Variants in CHRM5 observed in about 807,000 individuals in gnomAD.
The protein encoded by CHRM5 is muscarinic acetylcholine receptor M5.
In CHRM5, 18 loss-of-function variants were observed where a neutral mutation model predicts 39.0. That is an observed-to-expected ratio of 0.46 (90% CI 0.32 to 0.68). CHRM5 has a LOEUF of 0.68. CHRM5 is among the 30% of genes least tolerant of loss of function. The pLI, the probability that CHRM5 is intolerant of heterozygous loss-of-function variation, is 0.04. For missense variants in CHRM5, 515 were observed against 651.1 expected (o/e 0.79, Z 2.28); for synonymous variants, 241 against 246.3 (o/e 0.98, Z 0.20).
intron 1 of CHRM5, among the ~76,000 whole-genome samples, chr15:33,985,064 T>C (rs649515): frequency 0.99 from 151,055 of 152,200 alleles, 74,971 homozygotes; most frequent in Middle Eastern, 1. Context: ...TCTGTACCTG[T>C]CACACTGAAC....
At chr15:33,974,124 AC>A (rs1481178535) in intron 1 of CHRM5, among the ~76,000 whole-genome samples, 1 of 152,222 alleles carries the variant, frequency 6.6e-6, no homozygotes, top group Non-Finnish European at 1.5e-5. Flanking sequence ...TATGGAAATC[AC>A]GTTTGCTATA....
At chr15:34,053,299 CAAA>C (rs71454513) in intron 2 of CHRM5, among the ~76,000 whole-genome samples, 1,335 of 51,256 alleles carry the variant, frequency 0.026, 17 homozygotes, top group East Asian at 0.064. Flanking sequence ...GACTCCATCT[CAAA>C]AAAAAAAAAA....
intron 1 of CHRM5, among the ~76,000 whole-genome samples, chr15:33,996,509 T>C (rs1896943276): frequency 6.6e-6 from 1 of 152,350 alleles, no homozygotes; most frequent in South Asian, 2.1e-4. Context: ...CAACATTTGC[T>C]GTCCTGCAAT....
Position 34,063,227 on chromosome 15 carries a change from G to C in CHRM5, c.510G>C (p.Gln170His). The change falls in exon 3 of 3, where the codon CAG (glutamine) becomes CAC (histidine). Residue 170 changes from glutamine to histidine, a missense_variant. Coordinates refer to ENST00000383263, the MANE Select transcript of CHRM5 (RefSeq NM_012125.4). The surrounding 1 kb of genome is among the most constrained non-coding windows in gnomAD (Gnocchi z 4.1). ...GGGCCCCAGCAATCCTCTGCTGGCA[G>C]TACTTGGTTGGGAAGCGGACAGTTC... Reference protein sequence around the residue: ...ILWAPAILCWQYLVGKRTVPL... With the variant: ...ILWAPAILCWHYLVGKRTVPL... 1 of 1,614,178 alleles carries C rather than the reference G, an allele frequency of 6.2e-7. No individual in the cohort carries two copies. The highest frequency in any genetic ancestry group is 8.5e-7 in the Non-Finnish European group (1 of 1,180,044).
intron 1 of CHRM5, among the ~76,000 whole-genome samples, chr15:34,041,843 C>A (rs2140805968): frequency 6.6e-6 from 1 of 152,318 alleles, no homozygotes; most frequent in Admixed American, 6.5e-5. Flanking sequence ...AGTAACAGAA[C>A]TGGGATTTAT....
intron 1 of CHRM5, among the ~76,000 whole-genome samples, chr15:34,042,180 A>G (rs576972703): frequency 1.6e-4 from 25 of 152,312 alleles, no homozygotes; most frequent in Non-Finnish European, 3.2e-4. Flanking sequence ...TTTGGATTGC[A>G]TAAATAACAA....
chr15:33,970,943 T>C (rs1895611333), intron 1 of CHRM5, among the ~76,000 whole-genome samples: 1 of 152,018 alleles, frequency 6.6e-6, no homozygotes, highest in Non-Finnish European at 1.5e-5. Context: ...TTTCACTTTC[T>C]TTCCTTTCCA....
chr15:33,989,541 A>G (rs1159820236), intron 1 of CHRM5, among the ~76,000 whole-genome samples: 4 of 151,894 alleles, frequency 2.6e-5, no homozygotes, highest in Admixed American at 6.6e-5. Context: ...CCACCTAAAC[A>G]CATATACTAC....
chr15:34,056,097 T>A (rs1011089246), intron 2 of CHRM5, among the ~76,000 whole-genome samples: 5 of 152,198 alleles, frequency 3.3e-5, no homozygotes, highest in Admixed American at 3.3e-4. Context: ...TTCACTACAC[T>A]AACTTCCAAA....
chr15:33,986,439 C>G (rs1896473778), intron 1 of CHRM5, among the ~76,000 whole-genome samples: 1 of 151,982 alleles, frequency 6.6e-6, no homozygotes, highest in Non-Finnish European at 1.5e-5. Context: ...TCTGTATAAA[C>G]ACAAGGCAGA....
At chr15:33,978,589 G>A (rs1895996605) in intron 1 of CHRM5, among the ~76,000 whole-genome samples, 1 of 152,000 alleles carries the variant, frequency 6.6e-6, no homozygotes, top group Non-Finnish European at 1.5e-5. Flanking sequence ...CTTGAACCTG[G>A]GAGGCAGAGG....
intron 1 of CHRM5, among the ~76,000 whole-genome samples, chr15:34,033,194 A>T (rs986589445): frequency 6.6e-4 from 101 of 152,268 alleles, no homozygotes; most frequent in African/African-American, 2.0e-3. Flanking sequence ...ATTCACAATG[A>T]AGTTTTACCT....
intron 1 of CHRM5, among the ~76,000 whole-genome samples, chr15:33,999,332 C>T (rs1897052984): frequency 6.6e-6 from 1 of 152,172 alleles, no homozygotes; most frequent in Non-Finnish European, 1.5e-5. Context: ...CCGCTACTTG[C>T]CCTCTCAACA....
chr15:34,061,062 A>T (rs987638539), intron 2 of CHRM5, among the ~76,000 whole-genome samples: 1 of 151,350 alleles, frequency 6.6e-6, no homozygotes, highest in Non-Finnish European at 1.5e-5. Flanking sequence ...GCCCATTATC[A>T]TGTCAAGGTG....
chr15:33,979,129 A>G (rs1567444894), intron 1 of CHRM5, among the ~76,000 whole-genome samples: 1 of 152,210 alleles, frequency 6.6e-6, no homozygotes, highest in Non-Finnish European at 1.5e-5. Context: ...ATTTGATTAT[A>G]GCTTACTCCA....
At position 34,038,981 on chromosome 15, in the gene CHRM5, T is replaced by C. The variant is rs909447608; in HGVS notation, c.-407-7559T>C. The C allele has an allele frequency of 2.7e-6, 3 of 1,110,476 alleles. No homozygotes were observed. In the African/African-American group the frequency reaches 5.0e-5, roughly 19 times the overall value. 68.8% of individuals were successfully genotyped at this position (1,110,476 alleles called of 1,614,324 possible). A position where few individuals can be genotyped will look rare whatever the true frequency, so the allele number is the denominator to read the frequency against. On this transcript the variant is annotated intron_variant, in intron 1 of 2. Coordinates refer to ENST00000383263, the MANE Select transcript of CHRM5 (RefSeq NM_012125.4). Reference sequence around the variant, plus strand: ...CTCCGGGCCGCTCGCTGTGGCGATCTCCGCCAGGCCGGCCGCGGCCTGGCC... The same window carrying C: ...CTCCGGGCCGCTCGCTGTGGCGATCCCCGCCAGGCCGGCCGCGGCCTGGCC...
chr15:34,019,390 TA>T (rs753351599), intron 1 of CHRM5, among the ~76,000 whole-genome samples: 3 of 152,248 alleles, frequency 2.0e-5, no homozygotes, highest in Non-Finnish European at 4.4e-5. Flanking sequence ...TAAAAATATT[TA>T]AAAGTTTATA....
chr15:34,041,481 A>C (rs537963223), intron 1 of CHRM5, among the ~76,000 whole-genome samples: 1 of 152,198 alleles, frequency 6.6e-6, no homozygotes, highest in Non-Finnish European at 1.5e-5. Context: ...TTAAGGAACT[A>C]TATAACTATC....
intron 1 of CHRM5, among the ~76,000 whole-genome samples, chr15:34,034,412 G>C (rs1460198081): frequency 6.8e-6 from 1 of 147,744 alleles, no homozygotes; most frequent in African/African-American, 2.5e-5. Context: ...CTGCACTCCA[G>C]CGTGAGCAAC....
Sources: allele counts gnomAD v4.1 joint callset (sites outside exome capture counted in the v4.1 genomes callset), GRCh38; gene constraint gnomAD v4.1.1; non-coding constraint Gnocchi (gnomAD v3.1); transcripts MANE v1.5; gene names NCBI Gene and HGNC (gene_info 2026-07-23, HGNC 2026-07-21).